Variants in TP53I11 observed in about 807,000 individuals in gnomAD.
The protein encoded by TP53I11 is tumor protein p53 inducible protein 11.
A neutral mutation model predicts 23.3 loss-of-function variants in TP53I11; 9 were observed. The observed-to-expected ratio is 0.39, with a 90% CI of 0.23 to 0.67. TP53I11 has a LOEUF of 0.67. TP53I11 is among the 30% of genes least tolerant of loss of function. TP53I11 has a pLI of 0.48. For synonymous variants in TP53I11, 100 were observed against 106.1 expected (o/e 0.94, Z 0.35); for missense variants, 170 against 255.2 (o/e 0.67, Z 2.27).
chr11:44,935,674 G>GGTTTTTA lies in TP53I11; in HGVS notation c.335-13_335-12insTAAAAAC. Reference sequence around the variant, plus strand: ...GATCAGGGAGATGCCTGGGGCGGGGGATGAAAAGGGGGCTGGGGGTGGGAC... The same window carrying GGTTTTTA: ...GATCAGGGAGATGCCTGGGGCGGGGGGTTTTTAATGAAAAGGGGGCTGGGGGTGGGAC... On this transcript the variant is annotated splice_polypyrimidine_tract_variant and intron_variant, in intron 5 of 6. Coordinates refer to ENST00000525680, the MANE Select transcript of TP53I11 (RefSeq NM_006034.5). 1 of 626,970 alleles carries GGTTTTTA rather than the reference G, an allele frequency of 1.6e-6. No individual in the cohort carries two copies. The highest frequency in any genetic ancestry group is 2.9e-6 in the Non-Finnish European group (1 of 344,094). The allele number at this position is 626,970 out of a possible 1,614,324, so 38.8% of individuals were successfully genotyped here.
At position 44,932,633 on chromosome 11, in the gene TP53I11, TCTC is replaced by T. The variant is rs1860654849; in HGVS notation, c.*2248_*2250del. 3.3e-5 allele frequency: 5 copies of T among 152,326 alleles called. No homozygotes were observed. The highest frequency in any genetic ancestry group is 2.6e-4 in the Admixed American group (4 of 15,268). The allele number at this position is 152,326 out of a possible 1,614,324, so 9.4% of individuals were successfully genotyped here. A position where few individuals can be genotyped will look rare whatever the true frequency, so the allele number is the denominator to read the frequency against. The stretch of plus-strand genomic sequence containing the variant: ...CCACTGCCTCCTTCCCAACTGTAAA[TCTC>T]CTTGCCTTAGAGTCCCCCTGCCCTC... On this transcript the variant is annotated 3_prime_UTR_variant, in exon 7 of 7. Coordinates refer to ENST00000525680, the MANE Select transcript of TP53I11 (RefSeq NM_006034.5).
chr11:44,945,264 C>A (rs551087985), intron 1 of TP53I11, among the ~76,000 whole-genome samples: 2 of 152,258 alleles, frequency 1.3e-5, no homozygotes, highest in Middle Eastern at 3.4e-3. Context: ...CTGGGAGGAG[C>A]GGGGCAAGTA....
chr11:44,935,853 A>G (rs1861050112), intron 5 of TP53I11, 191 bp from the exon 6 acceptor site: 7 of 600,028 alleles, frequency 1.2e-5, no homozygotes, highest in Middle Eastern at 4.4e-4. Context: ...TCCAGACTCA[A>G]TGCTGCTGCT....
Position 44,935,023 on chromosome 11 carries a change from GGA to G in TP53I11, c.437-8_437-7del, listed in dbSNP as rs747485643. On this transcript the variant is annotated splice_region_variant and splice_polypyrimidine_tract_variant and intron_variant, in intron 6 of 6. Coordinates refer to ENST00000525680, the MANE Select transcript of TP53I11 (RefSeq NM_006034.5). The stretch of plus-strand genomic sequence containing the variant: ...AGCTAGCGTGGCAGTGACCACTGTG[GGA>G]GAGAGTCCAGCAAGGCCACAGGGTC... The G allele has an allele frequency of 7.2e-4, 1,164 of 1,613,260 alleles. 16 individuals carry two copies. Among genetic ancestry groups the G allele is most frequent in the Non-Finnish European group, 1.8e-4 (215 of 1,179,964 alleles).
At position 44,938,441 on chromosome 11, in the gene TP53I11, G is replaced by A. The variant is rs569692006; in HGVS notation, c.-31-75C>T. The A allele has an allele frequency of 3.3e-4, 464 of 1,421,446 alleles. 4 individuals are homozygous for A. The South Asian group carries it at 6.3e-3, about 19-fold the overall frequency. The allele number at this position is 1,421,446 out of a possible 1,614,324, so 88.1% of individuals were successfully genotyped here. A position where few individuals can be genotyped will look rare whatever the true frequency, so the allele number is the denominator to read the frequency against. ...CCCTAGGGGAAGGGGCCTGACTAGC[G>A]GAAGGCCACACCCCACACCAGGCCT... On this transcript the variant is annotated intron_variant, in intron 1 of 6. Transcript: ENST00000525680.
At chr11:44,949,885 C>T (rs1229238147) in intron 1 of TP53I11, 7 of 152,428 alleles carry the variant, frequency 4.6e-5, no homozygotes, top group Non-Finnish European at 8.8e-5. Context: ...TTTCTGCCCG[C>T]CCCTTTCCAG....
intron 1 of TP53I11, among the ~76,000 whole-genome samples, chr11:44,946,563 A>G (rs1862413006): frequency 6.6e-6 from 1 of 152,222 alleles, no homozygotes; most frequent in Non-Finnish European, 1.5e-5. Flanking sequence ...CCCCGTCTCC[A>G]TGACACAGCT....
At chr11:44,937,171 G>A (rs999141429) in intron 4 of TP53I11, 133 bp downstream of exon 4, 2 of 1,182,246 alleles carry the variant, frequency 1.7e-6, no homozygotes, top group South Asian at 1.3e-5. Flanking sequence ...CAGGTTCTCG[G>A]AGGCAGCCCC....
chr11:44,935,081 C>G lies in TP53I11; in HGVS notation c.437-64G>C, dbSNP rs553072163. ...AGGGGATGTGTCCCAGCGCTGCCCC[C>G]CTAGCCCGGAGCGCTGGTGTGGCCG... is the stretch of plus-strand genomic sequence containing the variant. On this transcript the variant is annotated intron_variant, in intron 6 of 6. Coordinates refer to ENST00000525680, the MANE Select transcript of TP53I11 (RefSeq NM_006034.5). 2,475 of 1,600,946 alleles carry G rather than the reference C, an allele frequency of 1.5e-3. 5 individuals are homozygous for G. Among genetic ancestry groups the G allele is most frequent in the Middle Eastern group, 4.2e-3 (24 of 5,746 alleles).
At position 44,934,961 on chromosome 11, in the gene TP53I11, G is replaced by A; in HGVS notation, c.493C>T (p.Leu165=). ...GLMSLGILLL[L]VSRLLFVVIS... ...ACGACAAAAAGGAGGCGGCTGACCA[G>A]GAGCAGCAGGATCCCCAGGGACATG... Residue 165 remains leucine, a synonymous_variant, in exon 7 of 7, where the codon CTG becomes TTG. Coordinates refer to ENST00000525680, the MANE Select transcript of TP53I11 (RefSeq NM_006034.5). 6.2e-7 allele frequency: 1 copy of A among 1,614,118 alleles called. No homozygotes were observed. Among genetic ancestry groups the A allele is most frequent in the Non-Finnish European group, 8.5e-7 (1 of 1,179,998 alleles).
intron 2 of TP53I11, among the ~76,000 whole-genome samples, 188 bp downstream of exon 2, chr11:44,938,019 C>T (rs146008815): frequency 6.6e-6 from 1 of 152,326 alleles, no homozygotes; most frequent in African/African-American, 2.4e-5. Flanking sequence ...GCTGGAAAAC[C>T]GGGCACGTAA....
intron 1 of TP53I11, chr11:44,947,146 G>T (rs1862466130): frequency 2.2e-6 from 1 of 455,538 alleles, no homozygotes; most frequent in Non-Finnish European, 4.4e-6. Flanking sequence ...AGGGGATCAG[G>T]CCCTCTGATG....
In TP53I11 at chr11:44,936,730, G is replaced by A. The variant is rs751205275; in HGVS notation, c.334+73C>T. ...AAGGGGTGCCCGGGCACGGACCCCC[G>A]TGCTCTCCTCAGCCCCGCTGGGTCT... On this transcript the variant is annotated intron_variant, in intron 5 of 6. Coordinates refer to ENST00000525680, the MANE Select transcript of TP53I11 (RefSeq NM_006034.5). This position sits in a 1 kb window ranked among gnomAD's most constrained non-coding sequence, Gnocchi z 4.4. 17 of 1,399,094 alleles carry A rather than the reference G, an allele frequency of 1.2e-5. No homozygotes were observed. The South Asian group carries it at 2.1e-4, about 17-fold the overall frequency. The allele number at this position is 1,399,094 out of a possible 1,614,324, so 86.7% of individuals were successfully genotyped here.
Position 44,934,774 on chromosome 11 carries a change from G to A in TP53I11, c.*110C>T. 1 of 1,479,158 alleles carries A rather than the reference G, an allele frequency of 6.8e-7. No homozygotes were observed. The highest frequency in any genetic ancestry group is 9.1e-7 in the Non-Finnish European group (1 of 1,093,498). 91.6% of individuals were successfully genotyped at this position (1,479,158 alleles called of 1,614,324 possible). ...CCCCACCCCCTGCCTCCCTGGGGCA[G>A]GACTGGGGCAGGGCAGGGGACCCTC... On this transcript the variant is annotated 3_prime_UTR_variant, in exon 7 of 7. Transcript: ENST00000525680.
chr11:44,937,083 C>T, intron 4 of TP53I11, 184 bp from the exon 5 acceptor site: 1 of 757,176 alleles, frequency 1.3e-6, no homozygotes, highest in South Asian at 1.7e-5. Context: ...TCCAGGGTTC[C>T]TGGGAGAAGG....
chr11:44,942,397 AAAC>A (rs1472101924), intron 1 of TP53I11, among the ~76,000 whole-genome samples: 3 of 144,724 alleles, frequency 2.1e-5, no homozygotes, highest in Admixed American at 1.4e-4. Flanking sequence ...CACAAACCAC[AAAC>A]ACCACACACA....
Position 44,936,942 on chromosome 11 carries a change from G to T in TP53I11, c.238-43C>A. The T allele has an allele frequency of 7.1e-7, 1 of 1,415,666 alleles. No homozygotes were observed. The highest frequency in any genetic ancestry group is 1.3e-5 in the South Asian group (1 of 78,914). The allele number at this position is 1,415,666 out of a possible 1,614,324, so 87.7% of individuals were successfully genotyped here. ...GGCTCAGAGGTCCCGCTTGGGAGAG[G>T]GTGGGGGGTGACAGCTGATGCTTCC... On this transcript the variant is annotated intron_variant, in intron 4 of 6. Coordinates refer to ENST00000525680, the MANE Select transcript of TP53I11 (RefSeq NM_006034.5). This position sits in a 1 kb window ranked among gnomAD's most constrained non-coding sequence, Gnocchi z 4.4.
Position 44,936,552 on chromosome 11 carries a change from C to T in TP53I11, c.334+251G>A, listed in dbSNP as rs950413141. 3 of 1,279,310 alleles carry T rather than the reference C, an allele frequency of 2.3e-6. No individual in the cohort carries two copies. Among genetic ancestry groups the T allele is most frequent in the Non-Finnish European group, 3.0e-6 (3 of 1,013,308 alleles). The allele number at this position is 1,279,310 out of a possible 1,614,324, so 79.2% of individuals were successfully genotyped here. ...TGTACCACAACGCCCAGAGGCAGTGCACACACTTATGAGCGCTCCTTGCAG... is the reference window on the plus strand; with the variant it reads ...TGTACCACAACGCCCAGAGGCAGTGTACACACTTATGAGCGCTCCTTGCAG... On this transcript the variant is annotated intron_variant, in intron 5 of 6. Transcript: ENST00000525680. The surrounding 1 kb of genome is among the most constrained non-coding windows in gnomAD (Gnocchi z 4.4).
intron 1 of TP53I11, among the ~76,000 whole-genome samples, chr11:44,944,117 C>T (rs559485859): frequency 2.0e-5 from 3 of 152,324 alleles, no homozygotes; most frequent in East Asian, 3.9e-4. Flanking sequence ...TTGCCTTACT[C>T]ATGGGGTGCT....
Sources: allele counts gnomAD v4.1 joint callset (sites outside exome capture counted in the v4.1 genomes callset), GRCh38; gene constraint gnomAD v4.1.1; non-coding constraint Gnocchi (gnomAD v3.1); transcripts MANE v1.5; gene names NCBI Gene and HGNC (gene_info 2026-07-23, HGNC 2026-07-21).